The following SRD5A2 variants were observed in gnomAD, a reference collection of about 807,000 sequenced individuals.
SRD5A2 encodes the protein 3-oxo-5-alpha-steroid 4-dehydrogenase 2.
A neutral mutation model predicts 27.4 loss-of-function variants in SRD5A2; 30 were observed. That is an observed-to-expected ratio of 1.10 (90% CI 0.82 to 1.49). The LOEUF is 1.49. Among genes scored for constraint, SRD5A2 ranks in the 40% most tolerant of loss-of-function variants. The pLI, the probability that SRD5A2 is intolerant of heterozygous loss-of-function variation, is 0.00. For missense variants in SRD5A2, 348 were observed against 323.4 expected, an observed-to-expected ratio of 1.08 and a Z score of -0.58; for synonymous variants, 141 against 133.6, an observed-to-expected ratio of 1.06 and a Z score of -0.38.
chr2:31,554,772 A>G (rs1363524970), intron 1 of SRD5A2, among the ~76,000 whole-genome samples: 1 of 152,168 alleles, frequency 6.6e-6, no homozygotes, highest in Non-Finnish European at 1.5e-5. Flanking sequence ...TCCATTACTC[A>G]AATGGTAGAA....
the SRD5A2 span, among the ~76,000 whole-genome samples, chr2:31,650,611 C>G: frequency 2.0e-5 from 3 of 152,104 alleles, no homozygotes; most frequent in African/African-American, 7.2e-5. Context: ...TATAAAATTC[C>G]AGGAACTATT....
At chr2:31,588,543 T>C in the SRD5A2 span, among the ~76,000 whole-genome samples, 5 of 152,022 alleles carry the variant, frequency 3.3e-5, no homozygotes, top group African/African-American at 9.7e-5. Flanking sequence ...TATGCAAACA[T>C]GGAAGAGAGA....
chr2:31,645,626 G>A, the SRD5A2 span, among the ~76,000 whole-genome samples: 2 of 152,108 alleles, frequency 1.3e-5, no homozygotes, highest in African/African-American at 4.8e-5. Flanking sequence ...AGTTAGAAAT[G>A]TTCATTACAA....
At chr2:31,620,044 G>T in the SRD5A2 span, among the ~76,000 whole-genome samples, 1 of 152,034 alleles carries the variant, frequency 6.6e-6, no homozygotes, top group Non-Finnish European at 1.5e-5. Flanking sequence ...TATCGCTTAT[G>T]TTGTCTTCCA....
intron 1 of SRD5A2, among the ~76,000 whole-genome samples, chr2:31,565,398 C>G (rs1666710016): frequency 6.6e-6 from 1 of 151,734 alleles, no homozygotes; most frequent in Non-Finnish European, 1.5e-5. Flanking sequence ...CAGAGATTGT[C>G]AGAATGGCAG....
At chr2:31,585,464 C>T (rs1667159536), upstream of SRD5A2, among the ~76,000 whole-genome samples, 1 of 152,078 alleles carries the variant, frequency 6.6e-6, no homozygotes, top group Non-Finnish European at 1.5e-5. Context: ...GATACCAGCT[C>T]AGCCACAACA....
chr2:31,609,122 T>A, the SRD5A2 span, among the ~76,000 whole-genome samples: 1 of 152,108 alleles, frequency 6.6e-6, no homozygotes, highest in African/African-American at 2.4e-5. Context: ...TCATCTTGGA[T>A]TTCCACTCTC....
chr2:31,558,380 A>C (rs1666544776), intron 1 of SRD5A2, among the ~76,000 whole-genome samples: 1 of 152,214 alleles, frequency 6.6e-6, no homozygotes, highest in Non-Finnish European at 1.5e-5. Context: ...CACAGTTCTG[A>C]AGGCTGGAAG....
At chr2:31,617,907 G>T in the SRD5A2 span, among the ~76,000 whole-genome samples, 12 of 152,274 alleles carry the variant, frequency 7.9e-5, no homozygotes, top group South Asian at 2.5e-3. Context: ...CTGTCACCCA[G>T]TTTCAAAGTC....
chr2:31,593,183 C>G, the SRD5A2 span, among the ~76,000 whole-genome samples: 1 of 152,020 alleles, frequency 6.6e-6, no homozygotes, highest in Non-Finnish European at 1.5e-5. Context: ...ATGGGTGCAG[C>G]ACACCAGCAT....
At chr2:31,538,473 T>G (rs1666068890) in intron 1 of SRD5A2, among the ~76,000 whole-genome samples, 1 of 152,192 alleles carries the variant, frequency 6.6e-6, no homozygotes, top group African/African-American at 2.4e-5. Context: ...TGTAAAAGCC[T>G]CCTCATTTGA....
chr2:31,626,847 T>A, the SRD5A2 span, among the ~76,000 whole-genome samples: 7 of 152,196 alleles, frequency 4.6e-5, no homozygotes, highest in African/African-American at 1.7e-4. Context: ...TGCTAGGCTT[T>A]GGTATCAGGA....
chr2:31,637,052 GTTC>G, the SRD5A2 span, among the ~76,000 whole-genome samples: 1 of 151,954 alleles, frequency 6.6e-6, no homozygotes, highest in Non-Finnish European at 1.5e-5. Flanking sequence ...ACTGGTATTA[GTTC>G]TTCTTTAAAT....
At position 31,529,176 on chromosome 2, in the gene SRD5A2, C is replaced by G. The variant is rs1324159140; in HGVS notation, c.698+131G>C. ...CCCAGCAAGTCAGAATATGCTAACC[C>G]AGATTATAGTATCAACCTTCCCTTA... On this transcript the variant is annotated intron_variant, in intron 4 of 4. Transcript: ENST00000622030. 10 of 1,304,060 alleles carry G rather than the reference C, an allele frequency of 7.7e-6. No individual in the cohort carries two copies. The Admixed American group carries it at 2.7e-4, about 35-fold the overall frequency. The allele number at this position is 1,304,060 out of a possible 1,614,324, so 80.8% of individuals were successfully genotyped here.
chr2:31,607,158 A>G, the SRD5A2 span, among the ~76,000 whole-genome samples: 3 of 152,044 alleles, frequency 2.0e-5, no homozygotes, highest in African/African-American at 7.2e-5. Flanking sequence ...TATCTTATAG[A>G]TGAAATCCAA....
intron 1 of SRD5A2, among the ~76,000 whole-genome samples, chr2:31,567,454 G>GTATATATATATATATATATA (rs575917234): frequency 4.3e-5 from 4 of 91,982 alleles, no homozygotes; most frequent in African/African-American, 1.4e-4. Context: ...GTGTGTGTGT[G>GTATATATATATATATATATA]TGTATATATA....
At chr2:31,606,603 T>A in the SRD5A2 span, among the ~76,000 whole-genome samples, 1 of 151,846 alleles carries the variant, frequency 6.6e-6, no homozygotes, top group South Asian at 2.1e-4. Flanking sequence ...AGCTTCAGTG[T>A]CTAGCATTTT....
the SRD5A2 span, among the ~76,000 whole-genome samples, chr2:31,630,361 GAGAT>G: frequency 6.6e-6 from 1 of 152,180 alleles, no homozygotes; most frequent in Non-Finnish European, 1.5e-5. Context: ...GAGAAAAAGA[GAGAT>G]AGAAGTAGTA....
chr2:31,538,121 G>T (rs941874537), intron 1 of SRD5A2, among the ~76,000 whole-genome samples: 1 of 152,190 alleles, frequency 6.6e-6, no homozygotes, highest in African/African-American at 2.4e-5. Context: ...CTTAAACTCA[G>T]ACTCCTGTGG....
Sources: gnomAD v4.1 joint callset for allele counts (sites outside exome capture counted in the v4.1 genomes callset) on GRCh38, gnomAD v4.1.1 for gene constraint, MANE v1.5 for transcripts, NCBI Gene and HGNC (gene_info 2026-07-23, HGNC 2026-07-21) for gene names.